CTDSPL: variants seen among roughly 807,000 people sequenced by gnomAD.
CTDSPL encodes CTD small phosphatase-like protein.
A neutral mutation model predicts 30.5 loss-of-function variants in CTDSPL; 8 were observed. The ratio of observed to expected loss-of-function variants is 0.26; its 90% CI spans 0.15 to 0.47. The LOEUF (loss-of-function observed/expected upper bound fraction) is 0.47, where lower values mean the gene tolerates loss of function less well. Ranked by LOEUF, CTDSPL falls within the 20% of genes least tolerant of loss-of-function variation. The pLI is 0.99. For missense variants in CTDSPL, 248 were observed against 366.1 expected (o/e 0.68, Z 2.63); for synonymous variants, 110 against 137.9 (o/e 0.80, Z 1.42).
At chr3:37,941,950 A>G (rs748056219) in intron 1 of CTDSPL, among the ~76,000 whole-genome samples, 2 of 150,166 alleles carry the variant, frequency 1.3e-5, no homozygotes, top group African/African-American at 2.4e-5. Context: ...TCTGCAGAAG[A>G]GAGCTAAGCT....
intron 6 of CTDSPL, among the ~76,000 whole-genome samples, chr3:37,974,701 G>A (rs1306183955): frequency 6.6e-6 from 1 of 152,238 alleles, no homozygotes; most frequent in Non-Finnish European, 1.5e-5. Context: ...GCAACTGTGA[G>A]CTGGGCTCAA....
At chr3:37,972,702 G>T (rs1413137498) in intron 6 of CTDSPL, among the ~76,000 whole-genome samples, 1 of 152,244 alleles carries the variant, frequency 6.6e-6, no homozygotes, top group African/African-American at 2.4e-5. Context: ...GGGTGCCTGT[G>T]CTGTGTGGGG....
intron 1 of CTDSPL, among the ~76,000 whole-genome samples, chr3:37,924,592 C>T (rs1477917691): frequency 1.3e-5 from 2 of 152,106 alleles, no homozygotes; most frequent in African/African-American, 2.4e-5. Context: ...TTTGGGGCCA[C>T]GTTTATTTTG....
At position 37,943,048 on chromosome 3, in the gene CTDSPL, C is replaced by T. The variant is rs79685928; in HGVS notation, c.80-4009C>T. The stretch of plus-strand genomic sequence containing the variant: ...TAAGAATCGATTAGGATGTCAGAAC[C>T]AACAACTTAATGAGGGAAAAGGACA... On this transcript the variant is annotated intron_variant, in intron 1 of 7. Transcript: ENST00000273179. Among the ~76,000 whole-genome samples, 19 of 150,256 alleles carry T rather than the reference C, an allele frequency of 1.3e-4. No individual in the cohort carries two copies. The East Asian group carries it at 3.7e-3, about 29-fold the overall frequency.
chr3:37,893,424 C>T (rs1049594584), intron 1 of CTDSPL, among the ~76,000 whole-genome samples: 1 of 152,164 alleles, frequency 6.6e-6, no homozygotes, highest in African/African-American at 2.4e-5. Context: ...TTCCAGAGCT[C>T]TCTGGGGAAC....
At chr3:37,894,990 T>A (rs1698375098) in intron 1 of CTDSPL, among the ~76,000 whole-genome samples, 1 of 152,226 alleles carries the variant, frequency 6.6e-6, no homozygotes, top group Admixed American at 6.5e-5. Context: ...ATAGCTATTT[T>A]AAAAAATCTT....
At chr3:37,968,099 G>T in intron 5 of CTDSPL, 1 of 515,598 alleles carries the variant, frequency 1.9e-6, no homozygotes, top group Non-Finnish European at 3.4e-6. Flanking sequence ...TATTAGATGC[G>T]GTTGCAAGTT....
At chr3:37,866,768 T>G (rs1483727603) in intron 1 of CTDSPL, among the ~76,000 whole-genome samples, 1 of 152,244 alleles carries the variant, frequency 6.6e-6, no homozygotes, top group Non-Finnish European at 1.5e-5. Context: ...ATACTCAGTG[T>G]TAATTCAGAA....
At chr3:37,895,832 G>A (rs1396187160) in intron 1 of CTDSPL, among the ~76,000 whole-genome samples, 1 of 152,110 alleles carries the variant, frequency 6.6e-6, no homozygotes. Context: ...CTCAGTGAAT[G>A]TACACTTAAG....
chr3:37,876,009 G>A (rs1397201430), intron 1 of CTDSPL, among the ~76,000 whole-genome samples: 1 of 152,116 alleles, frequency 6.6e-6, no homozygotes, highest in Non-Finnish European at 1.5e-5. Context: ...TTAGGAGGCT[G>A]AGGTGGGAGG....
chr3:37,917,298 C>T (rs560514127), intron 1 of CTDSPL, among the ~76,000 whole-genome samples: 1 of 152,162 alleles, frequency 6.6e-6, no homozygotes, highest in Non-Finnish European at 1.5e-5. Context: ...TTCACACGTA[C>T]ATGTTTATAG....
At chr3:37,887,136 C>A in intron 1 of CTDSPL, among the ~76,000 whole-genome samples, 1 of 152,210 alleles carries the variant, frequency 6.6e-6, no homozygotes, top group East Asian at 1.9e-4. Flanking sequence ...CTCAGCCAAA[C>A]TGGCCTGGGC....
intron 1 of CTDSPL, among the ~76,000 whole-genome samples, chr3:37,874,279 C>G (rs901164429): frequency 6.6e-5 from 10 of 152,196 alleles, no homozygotes; most frequent in Non-Finnish European, 1.3e-4. Flanking sequence ...CACACCACTT[C>G]AAGTTTAATT....
chr3:37,874,329 G>A (rs1412177183), intron 1 of CTDSPL, among the ~76,000 whole-genome samples: 1 of 152,160 alleles, frequency 6.6e-6, no homozygotes, highest in Non-Finnish European at 1.5e-5. Context: ...GATGTTGAGG[G>A]TGTGGATTGA....
chr3:37,980,798 C>A lies in CTDSPL; in HGVS notation c.762C>A (p.Ile254=). 6.2e-7 allele frequency: 1 copy of A among 1,614,202 alleles called. No individual in the cohort carries two copies. The highest frequency in any genetic ancestry group is 1.3e-5 in the African/African-American group (1 of 75,054). Residue 254 remains isoleucine (I), a synonymous_variant, in exon 8 of 8, where the codon ATC becomes ATA. Coordinates refer to ENST00000273179, the MANE Select transcript of CTDSPL (RefSeq NM_001008392.2). ...CGGACACGGAGCTGCTGGACCTCATCCCCTTCTTTGAGGGCCTGAGCCGGG... is the reference window on the plus strand; with the variant it reads ...CGGACACGGAGCTGCTGGACCTCATACCCTTCTTTGAGGGCCTGAGCCGGG... The part of the protein sequence containing the change: ...DMTDTELLDL[I]PFFEGLSRED...
chr3:37,973,090 GGCCTTAGA>G (rs2125634355), intron 6 of CTDSPL, among the ~76,000 whole-genome samples: 1 of 152,332 alleles, frequency 6.6e-6, no homozygotes, highest in African/African-American at 2.4e-5. Context: ...CTTATCACCA[GGCCTTAGA>G]GCATGAACCA....
At chr3:37,963,513 T>G (rs1433124758) in intron 3 of CTDSPL, among the ~76,000 whole-genome samples, 2 of 152,238 alleles carry the variant, frequency 1.3e-5, no homozygotes, top group Non-Finnish European at 2.9e-5. Flanking sequence ...AGAATAGATA[T>G]TTCCTTTTGT....
intron 7 of CTDSPL, among the ~76,000 whole-genome samples, chr3:37,976,402 C>T (rs1699428307): frequency 6.6e-6 from 1 of 151,988 alleles, no homozygotes; most frequent in Non-Finnish European, 1.5e-5. Context: ...CTTTGGGAGG[C>T]CGAGGCAGAT....
At chr3:37,910,121 T>A (rs1698565026) in intron 1 of CTDSPL, among the ~76,000 whole-genome samples, 1 of 152,188 alleles carries the variant, frequency 6.6e-6, no homozygotes, top group African/African-American at 2.4e-5. Flanking sequence ...TTCAGTGAGG[T>A]AATGTGAGTA....
Sources: gnomAD v4.1 joint callset for allele counts (sites outside exome capture counted in the v4.1 genomes callset) on GRCh38, gnomAD v4.1.1 for gene constraint, MANE v1.5 for transcripts, NCBI Gene and HGNC (gene_info 2026-07-23, HGNC 2026-07-21) for gene names.